AKT2: variants seen among roughly 807,000 people sequenced by gnomAD.
The protein encoded by AKT2 is RAC-beta serine/threonine-protein kinase.
Under a neutral mutation model 58.6 loss-of-function variants are expected in AKT2, and 16 were observed. The observed-to-expected ratio is 0.27, with a 90% CI of 0.18 to 0.41. The LOEUF (loss-of-function observed/expected upper bound fraction) is 0.41. AKT2 is among the 10% of genes least tolerant of loss of function. AKT2 has a pLI of 1.00. For synonymous variants in AKT2, 253 were observed against 254.0 expected, an observed-to-expected ratio of 1.00 and a Z score of 0.04; for missense variants, 438 against 661.0, an observed-to-expected ratio of 0.66 and a Z score of 3.70.
At chr19:40,265,476 G>A in intron 1 of AKT2, 125 bp from the exon 2 acceptor site, 1 of 1,321,116 alleles carries the variant, frequency 7.6e-7, no homozygotes, top group South Asian at 1.4e-5. Context: ...AGGCCAGCAA[G>A]GGTGGCGTGG....
In AKT2 at chr19:40,238,852, C is replaced by T; in HGVS notation, c.708+53G>A. On this transcript the variant is annotated intron_variant, in intron 8 of 13. Coordinates refer to ENST00000392038, the MANE Select transcript of AKT2 (RefSeq NM_001626.6). This position sits in a 1 kb window ranked among gnomAD's most constrained non-coding sequence, Gnocchi z 5.1. ...ACCCACAGCTCCTCTCCATCCCGCCCCACCCTAAAGAAGGAGGCCCCAGAG... is the reference window on the plus strand; with the variant it reads ...ACCCACAGCTCCTCTCCATCCCGCCTCACCCTAAAGAAGGAGGCCCCAGAG... 6.3e-7 allele frequency: 1 copy of T among 1,578,430 alleles called. No individual in the cohort carries two copies. The highest frequency in any genetic ancestry group is 2.2e-5 in the East Asian group (1 of 44,696).
In AKT2 at chr19:40,231,401, T is replaced by C. The variant is rs982113752; in HGVS notation, c.*2471A>G. On this transcript the variant is annotated 3_prime_UTR_variant, in exon 14 of 14. Transcript: ENST00000392038. ...ATTTTATGACCACCAGGGTAGACTT[T>C]TGTAATTAAATTAAGGTCCACATGA... 1 of 233,132 alleles carries C rather than the reference T, an allele frequency of 4.3e-6. No homozygotes were observed. Among genetic ancestry groups the C allele is most frequent in the Non-Finnish European group, 8.5e-6 (1 of 118,028 alleles). The allele number at this position is 233,132 out of a possible 1,614,324, so 14.4% of individuals were successfully genotyped here. A position where few individuals can be genotyped will look rare whatever the true frequency, so the allele number is the denominator to read the frequency against.
In AKT2 at chr19:40,242,889, C is replaced by T; in HGVS notation, c.288-202G>A. On this transcript the variant is annotated intron_variant, in intron 4 of 13. Coordinates refer to ENST00000392038, the MANE Select transcript of AKT2 (RefSeq NM_001626.6). This position sits in a 1 kb window ranked among gnomAD's most constrained non-coding sequence, Gnocchi z 4.3. ...CCACGCCAGGCGCAGTGGCTCATGC[C>T]TATAATCCCAGCACTTTGGGAGGCT... is the stretch of plus-strand genomic sequence containing the variant. 1 of 607,022 alleles carries T rather than the reference C, an allele frequency of 1.6e-6. No individual in the cohort carries two copies. Among genetic ancestry groups the T allele is most frequent in the Non-Finnish European group, 2.9e-6 (1 of 339,930 alleles). 37.6% of individuals were successfully genotyped at this position (607,022 alleles called of 1,614,324 possible). A position where few individuals can be genotyped will look rare whatever the true frequency, so the allele number is the denominator to read the frequency against.
At chr19:40,253,713 G>T (rs115916874) in intron 4 of AKT2, among the ~76,000 whole-genome samples, 1 of 152,094 alleles carries the variant, frequency 6.6e-6, no homozygotes, top group Non-Finnish European at 1.5e-5. Flanking sequence ...CGTCACACAG[G>T]TCTACCTGTG....
intron 2 of AKT2, 82 bp from the exon 3 acceptor site, chr19:40,257,136 G>A (rs906686012): frequency 6.5e-7 from 1 of 1,549,760 alleles, no homozygotes; most frequent in African/African-American, 1.4e-5. Context: ...GGCCCAGTGT[G>A]ACGGTGACTC....
At chr19:40,241,766 G>C in intron 6 of AKT2, 172 bp downstream of exon 6, 1 of 1,001,438 alleles carries the variant, frequency 1.0e-6, no homozygotes, top group Non-Finnish European at 1.5e-6. Flanking sequence ...TCAGCAGCAA[G>C]GCCTGCTGCT....
intron 7 of AKT2, chr19:40,239,836 A>G (rs1974277741): frequency 2.8e-6 from 2 of 705,634 alleles, no homozygotes; most frequent in South Asian, 3.0e-5. Flanking sequence ...GCCACCATCT[A>G]TGAAGAAGCT....
rs761598534 is a variant in AKT2, at chr19:40,242,656, C to T, written c.319G>A (p.Ala107Thr). 8 of 1,612,432 alleles carry T rather than the reference C, an allele frequency of 5.0e-6. No homozygotes were observed. The African/African-American group carries it at 6.7e-5, about 13-fold the overall frequency. ...EEWMRAIQMV[A>T]NSLKQRAPGE... is the part of the protein sequence containing the mutation. ...GGGGCCCGCTGCTTGAGGCTGTTGG[C>T]GACCATCTGGATGGCCCGCATCCAC... The change falls in exon 5 of 14, where the codon GCC becomes ACC. Residue 107 changes from alanine to threonine, a missense_variant. By Grantham distance (58) the Ala-to-Thr change is moderately conservative. Around this residue, in one of 3 missense-constraint regions of AKT2, gnomAD observed 244 missense variants for 347.1 expected, o/e 0.70. Transcript: ENST00000392038. The surrounding 1 kb of genome is among the most constrained non-coding windows in gnomAD (Gnocchi z 4.3).
In AKT2 at chr19:40,241,918, G is replaced by A. The variant is rs772300079; in HGVS notation, c.573+20C>T. On this transcript the variant is annotated intron_variant, in intron 6 of 13. Transcript: ENST00000392038. ...GCAGCCCCCACAGAGGCTCGCGAGC[G>A]CAATTCCCGGGGCACGCACCTTGGC... 1.2e-5 allele frequency: 20 copies of A among 1,612,990 alleles called. No individual in the cohort carries two copies. Among genetic ancestry groups the A allele is most frequent in the Middle Eastern group, 1.6e-4 (1 of 6,080 alleles).
At chr19:40,279,555 C>T (rs778621480) in intron 1 of AKT2, 23 of 151,874 alleles carry the variant, frequency 1.5e-4, no homozygotes, top group Non-Finnish European at 2.6e-4. Context: ...AAAGACACTC[C>T]TTTCCATCCC....
Position 40,233,544 on chromosome 19 carries a change from T to G in AKT2, c.*328A>C, listed in dbSNP as rs1417868262. 3.1e-6 allele frequency: 2 copies of G among 650,130 alleles called. No homozygotes were observed. Among genetic ancestry groups the G allele is most frequent in the South Asian group, 2.8e-5 (2 of 72,442 alleles). 40.3% of individuals were successfully genotyped at this position (650,130 alleles called of 1,614,324 possible). A position where few individuals can be genotyped will look rare whatever the true frequency, so the allele number is the denominator to read the frequency against. ...CCAGCACGACACCCAGGCCAGAAAC[T>G]CAGGCAGGCCCCAGGCGCCATGCTT... On this transcript the variant is annotated 3_prime_UTR_variant, in exon 14 of 14. Coordinates refer to ENST00000392038, the MANE Select transcript of AKT2 (RefSeq NM_001626.6). This position sits in a 1 kb window ranked among gnomAD's most constrained non-coding sequence, Gnocchi z 4.3.
chr19:40,274,699 G>A (rs2077277259), intron 1 of AKT2: 1 of 267,746 alleles, frequency 3.7e-6, no homozygotes, highest in South Asian at 4.2e-5. Context: ...GGGGAGACCT[G>A]GGGAGGAACG....
intron 1 of AKT2, among the ~76,000 whole-genome samples, chr19:40,267,560 C>A (rs1299532941): frequency 2.0e-5 from 3 of 152,140 alleles, no homozygotes; most frequent in African/African-American, 7.2e-5. Flanking sequence ...CTTTGTGCAC[C>A]CTCGGAGCAA....
intron 1 of AKT2, among the ~76,000 whole-genome samples, chr19:40,269,812 G>A (rs1976589974): frequency 6.6e-6 from 1 of 152,192 alleles, no homozygotes; most frequent in Non-Finnish European, 1.5e-5. Context: ...ATGTTATAGA[G>A]TGAAAGAAGT....
rs537984949 is a variant in AKT2 at position 40,274,920 on chromosome 19, A to C, written c.-84-9569T>G. ...GAGTGGGGGAGGGGCAGCAGGTGGA[A>C]CCCCTTGCACCCAGGGCAGGGCAGG... On this transcript the variant is annotated intron_variant, in intron 1 of 13. Coordinates refer to ENST00000392038, the MANE Select transcript of AKT2 (RefSeq NM_001626.6). The C allele has an allele frequency of 6.2e-5, 23 of 371,140 alleles. No homozygotes were observed. In the East Asian group the frequency reaches 1.5e-3, roughly 25 times the overall value. The allele number at this position is 371,140 out of a possible 1,614,324, so 23.0% of individuals were successfully genotyped here. A position where few individuals can be genotyped will look rare whatever the true frequency, so the allele number is the denominator to read the frequency against.
At chr19:40,240,154 C>A in intron 6 of AKT2, 44 bp from the exon 7 acceptor site, 1 of 1,586,254 alleles carries the variant, frequency 6.3e-7, no homozygotes, top group Non-Finnish European at 8.7e-7. Flanking sequence ...CAACACCACA[C>A]CTGCCCACTC....
At chr19:40,247,857 CAAG>C (rs1461180495) in intron 4 of AKT2, among the ~76,000 whole-genome samples, 1 of 152,144 alleles carries the variant, frequency 6.6e-6, no homozygotes, top group Non-Finnish European at 1.5e-5. Context: ...GCCAGGGACA[CAAG>C]AAGTGCCCAG....
intron 1 of AKT2, 99 bp downstream of exon 1, chr19:40,285,082 C>G: frequency 5.1e-6 from 2 of 388,420 alleles, no homozygotes; most frequent in Non-Finnish European, 4.6e-6. Flanking sequence ...CGCGGTCCCC[C>G]CGCCGGGCAC....
rs1973858483 is a variant in AKT2 at position 40,234,026 on chromosome 19, A to C, written c.1367-75T>G. ...GACACCTGCCCAGACTCCCTGGGGA[A>C]ACGGCCCCAGCTGGCGGGGGCTGCC... On this transcript the variant is annotated intron_variant, in intron 13 of 13. Coordinates refer to ENST00000392038, the MANE Select transcript of AKT2 (RefSeq NM_001626.6). The surrounding 1 kb of genome is among the most constrained non-coding windows in gnomAD (Gnocchi z 4.7). The C allele has an allele frequency of 1.3e-6, 2 of 1,492,114 alleles. No homozygotes were observed. Among genetic ancestry groups the C allele is most frequent in the South Asian group, 2.3e-5 (2 of 86,366 alleles). 92.4% of individuals were successfully genotyped at this position (1,492,114 alleles called of 1,614,324 possible).
Sources: allele counts gnomAD v4.1 joint callset (sites outside exome capture counted in the v4.1 genomes callset), GRCh38; gene constraint gnomAD v4.1.1; regional missense constraint gnomAD v4.1.1; non-coding constraint Gnocchi (gnomAD v3.1); transcripts MANE v1.5; gene names NCBI Gene and HGNC (gene_info 2026-07-23, HGNC 2026-07-21).